Variants in PTPN4 observed in about 807,000 individuals in gnomAD.
PTPN4 encodes the protein tyrosine-protein phosphatase non-receptor type 4.
Under a neutral mutation model 135.5 loss-of-function variants are expected in PTPN4, and 49 were observed. The observed-to-expected ratio is 0.36, with a 90% CI of 0.29 to 0.46. The LOEUF (loss-of-function observed/expected upper bound fraction) is 0.46, where lower values mean the gene tolerates loss of function less well. Ranked by LOEUF, PTPN4 falls within the 20% of genes least tolerant of loss-of-function variation. The pLI is 1.00. For synonymous variants in PTPN4, 333 were observed against 369.9 expected (o/e 0.90, Z 1.14); for missense variants, 860 against 1,101.0 (o/e 0.78, Z 3.10).
At chr2:119,877,615 A>G in intron 5 of PTPN4, 73 bp downstream of exon 5, 1 of 1,501,384 alleles carries the variant, frequency 6.7e-7, no homozygotes, top group South Asian at 1.3e-5. Flanking sequence ...TTAATTAGGC[A>G]AAAAGAAATT....
intron 2 of PTPN4, among the ~76,000 whole-genome samples, chr2:119,833,695 TCA>T (rs1203650701): frequency 2.0e-5 from 3 of 152,180 alleles, no homozygotes; most frequent in Admixed American, 6.5e-5. Context: ...TTTTTTTTAA[TCA>T]CAGTGTTTCA....
At position 119,980,889 on chromosome 2, in the gene PTPN4, A is replaced by G. The variant is rs1199652859; in HGVS notation, c.*3819A>G. The G allele has an allele frequency of 6.6e-6, 1 of 152,064 alleles. No individual in the cohort carries two copies. Among genetic ancestry groups the G allele is most frequent in the African/African-American group, 2.4e-5 (1 of 41,440 alleles). The allele number at this position is 152,064 out of a possible 1,614,324, so 9.4% of individuals were successfully genotyped here. On this transcript the variant is annotated 3_prime_UTR_variant, in exon 27 of 27. Coordinates refer to ENST00000263708, the MANE Select transcript of PTPN4 (RefSeq NM_002830.4). Reference sequence around the variant, plus strand: ...TTAAAAGCACTCAAAACATAGAACTAAGATTTAGAATATATGTCCATTTAT... The same window carrying G: ...TTAAAAGCACTCAAAACATAGAACTGAGATTTAGAATATATGTCCATTTAT...
chr2:119,941,877 G>C (rs1351810556), intron 15 of PTPN4, among the ~76,000 whole-genome samples: 1 of 152,090 alleles, frequency 6.6e-6, no homozygotes, highest in African/African-American at 2.4e-5. Context: ...AAGTAGCACG[G>C]GATGGAGATT....
chr2:119,774,804 A>T (rs547026146), intron 1 of PTPN4, among the ~76,000 whole-genome samples: 1 of 152,196 alleles, frequency 6.6e-6, no homozygotes, highest in East Asian at 1.9e-4. Context: ...AGGCGGGCAG[A>T]TCACGAGGTC....
At chr2:119,900,676 A>C in intron 9 of PTPN4, 42 bp from the exon 10 acceptor site, 1 of 1,242,248 alleles carries the variant, frequency 8.0e-7, no homozygotes, top group Non-Finnish European at 1.1e-6. Context: ...AACAAAGCCC[A>C]TAAATTTAGA....
intron 8 of PTPN4, 134 bp downstream of exon 8, chr2:119,882,757 G>A (rs1678098802): frequency 2.5e-6 from 2 of 790,008 alleles, no homozygotes; most frequent in Non-Finnish European, 3.7e-6. Context: ...TTATCATAAA[G>A]AAATATAGGT....
chr2:119,929,832 G>A lies in PTPN4; in HGVS notation c.1071-2592G>A, dbSNP rs988141418. Among the ~76,000 whole-genome samples the A allele has an allele frequency of 2.0e-5, 3 of 152,220 alleles. No homozygotes were observed. The South Asian group carries it at 6.2e-4, about 32-fold the overall frequency. On this transcript the variant is annotated intron_variant, in intron 13 of 26. Transcript: ENST00000263708. ...AAAGTGTTCTGACGCTTCAGACTAG[G>A]TGAGTGTGCTGGAATTTTTTTTCTT...
intron 2 of PTPN4, among the ~76,000 whole-genome samples, chr2:119,841,339 G>A (rs72969161): frequency 0.017 from 2,639 of 152,216 alleles, 71 homozygotes; most frequent in African/African-American, 0.06. Flanking sequence ...ACACATACAT[G>A]TATGTGTCTA....
At chr2:119,921,097 A>G (rs1189377106) in intron 12 of PTPN4, among the ~76,000 whole-genome samples, 1 of 152,112 alleles carries the variant, frequency 6.6e-6, no homozygotes, top group Non-Finnish European at 1.5e-5. Context: ...CCTGGCCAAC[A>G]TGGTGAAACC....
intron 10 of PTPN4, among the ~76,000 whole-genome samples, chr2:119,903,071 C>T (rs1011066254): frequency 3.3e-5 from 5 of 152,166 alleles, no homozygotes; most frequent in African/African-American, 1.2e-4. Context: ...CAGGATACAG[C>T]TAGGTCCTCG....
intron 26 of PTPN4, among the ~76,000 whole-genome samples, chr2:119,975,991 A>ATTTTTTTTTTTTTTTTTTT (rs1253786677): frequency 9.2e-6 from 1 of 108,928 alleles, no homozygotes; most frequent in African/African-American, 3.5e-5. Flanking sequence ...ATTTTTATTT[A>ATTTTTTTTTTTTTTTTTTT]TTTATTTATT....
chr2:119,812,135 T>C (rs979366762), intron 2 of PTPN4, among the ~76,000 whole-genome samples: 1 of 152,198 alleles, frequency 6.6e-6, no homozygotes, highest in East Asian at 1.9e-4. Context: ...TGCTTTGTAC[T>C]TTTAGGTAGA....
At chr2:119,779,011 CAG>C (rs1230140898) in intron 1 of PTPN4, among the ~76,000 whole-genome samples, 8 of 152,158 alleles carry the variant, frequency 5.3e-5, no homozygotes, top group African/African-American at 1.4e-4. Context: ...TGTGTAAGTA[CAG>C]AGAGAGAAAT....
rs55956611 is a variant in PTPN4 at position 119,793,846 on chromosome 2, G to GTTTTTTTTTT, written c.-17-15971_-17-15962dup. 1.4e-3 allele frequency among the ~76,000 whole-genome samples: 35 copies of GTTTTTTTTTT among 24,802 alleles called. 4 individuals are homozygous for GTTTTTTTTTT. The highest frequency in any genetic ancestry group is 4.2e-3 in the South Asian group (1 of 240). The allele number at this position is 24,802 out of a possible 152,430, so 16.3% of individuals were successfully genotyped here. On this transcript the variant is annotated intron_variant, in intron 1 of 26. Coordinates refer to ENST00000263708, the MANE Select transcript of PTPN4 (RefSeq NM_002830.4). Reference sequence around the variant, plus strand: ...AGTTTGTTTATTTGTTTCATTTTTAGTTTTTTTTTTTTTTTTTTTTTTTTT... The same window carrying GTTTTTTTTTT: ...AGTTTGTTTATTTGTTTCATTTTTAGTTTTTTTTTTTTTTTTTTTTTTTTTTTTTTTTTTT...
At chr2:119,838,101 A>C (rs1677323123) in intron 2 of PTPN4, among the ~76,000 whole-genome samples, 1 of 152,256 alleles carries the variant, frequency 6.6e-6, no homozygotes, top group South Asian at 2.1e-4. Flanking sequence ...GTTTCAATGG[A>C]GACTTCAAAG....
At chr2:119,788,305 A>G (rs1324121062) in intron 1 of PTPN4, among the ~76,000 whole-genome samples, 1 of 152,196 alleles carries the variant, frequency 6.6e-6, no homozygotes, top group Non-Finnish European at 1.5e-5. Flanking sequence ...AATACCACAA[A>G]TTTCACAAAA....
rs1292650610 is a variant in PTPN4, at chr2:119,955,214, C to T, written c.1871C>T (p.Pro624Leu). The T allele has an allele frequency of 2.5e-6, 4 of 1,612,846 alleles. No individual in the cohort carries two copies. In the African/African-American group the frequency reaches 5.4e-5, roughly 22 times the overall value. The change falls in exon 20 of 27, where the codon CCT (proline) becomes CTT (leucine). Residue 624 changes from proline (P) to leucine (L), a missense_variant. By Grantham distance (98) the Pro-to-Leu change is moderately conservative (BLOSUM62 -3). Coordinates refer to ENST00000263708, the MANE Select transcript of PTPN4 (RefSeq NM_002830.4). ...AATGAGCCAGATTTCCAGTATATTC[C>T]TGAGAAAGCCCCACTAGATAGTGTG... ...LENEPDFQYI[P>L]EKAPLDSVHQ...
chr2:119,768,688 C>G (rs1690681680), intron 1 of PTPN4, among the ~76,000 whole-genome samples: 1 of 152,194 alleles, frequency 6.6e-6, no homozygotes, highest in Admixed American at 6.5e-5. Flanking sequence ...TCTTCCGACC[C>G]CGCATTAGTT....
chr2:119,901,988 A>G (rs1678411607), intron 10 of PTPN4, among the ~76,000 whole-genome samples: 1 of 152,234 alleles, frequency 6.6e-6, no homozygotes, highest in Non-Finnish European at 1.5e-5. Context: ...GAATAAAGAG[A>G]GAGAAGATCA....
Sources: gnomAD v4.1 joint callset for allele counts (sites outside exome capture counted in the v4.1 genomes callset) on GRCh38, gnomAD v4.1.1 for gene constraint, MANE v1.5 for transcripts, NCBI Gene and HGNC (gene_info 2026-07-23, HGNC 2026-07-21) for gene names.